The following ING3 variants were observed in gnomAD, a reference collection of about 807,000 sequenced individuals.
ING3 encodes inhibitor of growth family member 3.
A neutral mutation model predicts 64.8 loss-of-function variants in ING3; 6 were observed. That is an observed-to-expected ratio of 0.09 (90% CI 0.05 to 0.18). The LOEUF (loss-of-function observed/expected upper bound fraction) is 0.18, where lower values mean the gene tolerates loss of function less well. ING3 is among the 10% of genes least tolerant of loss of function. The pLI, the probability that ING3 is intolerant of heterozygous loss-of-function variation, is 1.00. For synonymous variants in ING3, 170 were observed against 173.7 expected (o/e 0.98, Z 0.17); for missense variants, 310 against 489.7 (o/e 0.63, Z 3.46).
rs139417776 is a variant in ING3 at position 120,968,970 on chromosome 7, T to TA, written c.715-40dup. 9.5e-3 allele frequency: 11,813 copies of TA among 1,242,092 alleles called. 99 individuals are homozygous for TA. The highest frequency in any genetic ancestry group is 0.031 in the African/African-American group (2,024 of 65,722). The allele number at this position is 1,242,092 out of a possible 1,614,324, so 76.9% of individuals were successfully genotyped here. A position where few individuals can be genotyped will look rare whatever the true frequency, so the allele number is the denominator to read the frequency against. On this transcript the variant is annotated intron_variant, in intron 8 of 11. Transcript: ENST00000315870. ...TAAAACTTGAAAAAGAAAATCTACA[T>TA]ATTTACATATATTGATGCTATCAAT... is the stretch of plus-strand genomic sequence containing the variant.
chr7:120,958,962 T>C (rs1164719290), intron 4 of ING3, among the ~76,000 whole-genome samples: 1 of 152,248 alleles, frequency 6.6e-6, no homozygotes, highest in African/African-American at 2.4e-5. Context: ...ATGAATTCTT[T>C]ATTGCTAAAT....
intron 7 of ING3, 121 bp downstream of exon 7, chr7:120,967,769 G>A (rs1396461509): frequency 2.3e-6 from 3 of 1,298,830 alleles, no homozygotes; most frequent in Admixed American, 2.3e-5. Flanking sequence ...TACATATGGA[G>A]AAAGAAGAAA....
chr7:120,966,002 T>C (rs1417356477), intron 5 of ING3, among the ~76,000 whole-genome samples: 1 of 152,110 alleles, frequency 6.6e-6, no homozygotes, highest in Non-Finnish European at 1.5e-5. Flanking sequence ...TGAAACAAAA[T>C]TGGATCAAGT....
chr7:120,976,963 C>T lies in ING3; in HGVS notation c.*2119C>T. ...AACATGGAACTACCTCATCAACCCC[C>T]CAAAAATGTGGCCAACTATTAATAT... is the stretch of plus-strand genomic sequence containing the variant. On this transcript the variant is annotated 3_prime_UTR_variant, in exon 12 of 12. Transcript: ENST00000315870. 1 of 152,158 alleles carries T rather than the reference C, an allele frequency of 6.6e-6. No individual in the cohort carries two copies. The highest frequency in any genetic ancestry group is 1.9e-4 in the East Asian group (1 of 5,206). 9.4% of individuals were successfully genotyped at this position (152,158 alleles called of 1,614,324 possible).
intron 11 of ING3, among the ~76,000 whole-genome samples, chr7:120,974,522 A>G (rs139951522): frequency 1.8e-4 from 27 of 152,248 alleles, no homozygotes; most frequent in African/African-American, 6.3e-4. Flanking sequence ...GAAGATGCAT[A>G]ATTTTTCTGT....
chr7:120,967,402 C>A, intron 6 of ING3, 127 bp from the exon 7 acceptor site: 1 of 577,168 alleles, frequency 1.7e-6, no homozygotes, highest in Non-Finnish European at 2.8e-6. Context: ...TCTGAGGAAA[C>A]ATCATGTTCT....
chr7:120,956,242 T>A, intron 4 of ING3: 1 of 1,569,590 alleles, frequency 6.4e-7, no homozygotes, highest in Non-Finnish European at 8.6e-7. Flanking sequence ...GTGGTGCTCT[T>A]TTTCATTTGA....
At chr7:120,960,743 C>T (rs773704079) in intron 4 of ING3, among the ~76,000 whole-genome samples, 4 of 152,080 alleles carry the variant, frequency 2.6e-5, no homozygotes, top group African/African-American at 4.8e-5. Context: ...TTTTAGTAGC[C>T]GTTTTAGTGA....
At chr7:120,950,982 G>A (rs1795751886) in intron 1 of ING3, 58 bp downstream of exon 1, 24 of 1,569,138 alleles carry the variant, frequency 1.5e-5, no homozygotes, top group Non-Finnish European at 2.1e-5. Context: ...GCAAGAGCGC[G>A]AGTGGACGGG....
intron 4 of ING3, among the ~76,000 whole-genome samples, chr7:120,964,507 C>G (rs942100155): frequency 6.6e-6 from 1 of 152,116 alleles, no homozygotes; most frequent in Non-Finnish European, 1.5e-5. Context: ...CATTTCCTAA[C>G]AAGTTGAGAG....
At chr7:120,970,559 TC>T in intron 9 of ING3, 128 bp from the exon 10 acceptor site, 1 of 897,662 alleles carries the variant, frequency 1.1e-6, no homozygotes, top group East Asian at 2.7e-5. Context: ...CATTGGTAAA[TC>T]CGGATTACTT....
chr7:120,969,256 C>A, intron 9 of ING3, 52 bp downstream of exon 9: 1 of 1,417,764 alleles, frequency 7.1e-7, no homozygotes, highest in Non-Finnish European at 9.7e-7. Flanking sequence ...ACTTGGTCTA[C>A]TTGACACTTC....
chr7:120,958,418 C>CT (rs1176209813), intron 4 of ING3, among the ~76,000 whole-genome samples: 4 of 152,174 alleles, frequency 2.6e-5, no homozygotes, highest in Non-Finnish European at 4.4e-5. Flanking sequence ...TCACAGTTCT[C>CT]TGTTGCAATC....
intron 4 of ING3, chr7:120,955,915 C>A: frequency 1.8e-6 from 1 of 564,888 alleles, no homozygotes; most frequent in South Asian, 2.3e-5. Flanking sequence ...CTTTATTTTA[C>A]TAATCCTTGT....
At position 120,966,652 on chromosome 7, in the gene ING3, C is replaced by T. The variant is rs766698072; in HGVS notation, c.391C>T (p.Gln131Ter). ...ATCTTTGGAATTAGACACTCCTTCA[C>T]AGCCAGTGAACAATCACCATGCTCA... Reference protein sequence around the residue: ...RRSLELDTPSQPVNNHHAHSH... With the variant: ...RRSLELDTPS Residue 131 changes from glutamine to a stop codon, truncating the protein, a stop_gained, in exon 6 of 12, where the codon CAG (glutamine) becomes TAG (stop). Transcript: ENST00000315870. LOFTEE classifies it high-confidence loss of function. The T allele has an allele frequency of 6.2e-7, 1 of 1,613,478 alleles. No homozygotes were observed. Among genetic ancestry groups the T allele is most frequent in the Non-Finnish European group, 8.5e-7 (1 of 1,179,396 alleles).
At chr7:120,962,555 T>G (rs1795946718) in intron 4 of ING3, among the ~76,000 whole-genome samples, 1 of 151,972 alleles carries the variant, frequency 6.6e-6, no homozygotes, top group Non-Finnish European at 1.5e-5. Flanking sequence ...TGAAGTGAGT[T>G]AGGGCAAGGT....
In ING3 at chr7:120,953,290, T is replaced by G; in HGVS notation, c.101-14T>G. On this transcript the variant is annotated splice_polypyrimidine_tract_variant and intron_variant, in intron 2 of 11. Transcript: ENST00000315870. ...TTTGGTCATTTAATATGAATTTTTT[T>G]TATTATGTCATAGATGCAATGGATC... is the stretch of plus-strand genomic sequence containing the variant. 1 of 1,500,726 alleles carries G rather than the reference T, an allele frequency of 6.7e-7. No individual in the cohort carries two copies. Among genetic ancestry groups the G allele is most frequent in the Non-Finnish European group, 9.1e-7 (1 of 1,103,688 alleles). The allele number at this position is 1,500,726 out of a possible 1,614,324, so 93.0% of individuals were successfully genotyped here. A position where few individuals can be genotyped will look rare whatever the true frequency, so the allele number is the denominator to read the frequency against.
chr7:120,969,819 C>T (rs1274190082), intron 9 of ING3, among the ~76,000 whole-genome samples: 6 of 152,050 alleles, frequency 3.9e-5, no homozygotes, highest in Admixed American at 2.0e-4. Flanking sequence ...AATTAGTTAC[C>T]TAGTAGTTAT....
At chr7:120,957,360 C>T (rs914800656) in intron 4 of ING3, among the ~76,000 whole-genome samples, 2 of 149,444 alleles carry the variant, frequency 1.3e-5, no homozygotes, top group Non-Finnish European at 3.0e-5. Context: ...CGACAGAGAG[C>T]GACTCTGTCT....
Sources: gnomAD v4.1 joint callset for allele counts (sites outside exome capture counted in the v4.1 genomes callset) on GRCh38, gnomAD v4.1.1 for gene constraint, MANE v1.5 for transcripts, NCBI Gene and HGNC (gene_info 2026-07-23, HGNC 2026-07-21) for gene names.